Variants in COL27A1 observed in about 807,000 individuals in gnomAD.
COL27A1 encodes the protein collagen alpha-1(XXVII) chain.
In COL27A1, 106 loss-of-function variants were observed where a neutral mutation model predicts 251.3. That is an observed-to-expected ratio of 0.42 (90% CI 0.36 to 0.50). COL27A1 has a LOEUF of 0.50. Ranked by LOEUF, COL27A1 falls within the 20% of genes least tolerant of loss-of-function variation. COL27A1 has a pLI of 0.00. For missense variants in COL27A1, 2,325 were observed against 2,522.8 expected (o/e 0.92, Z 1.68); for synonymous variants, 1,000 against 986.3 (o/e 1.01, Z -0.26).
At chr9:114,206,581 C>T (rs1448580546) in intron 10 of COL27A1, among the ~76,000 whole-genome samples, 1 of 152,232 alleles carries the variant, frequency 6.6e-6, no homozygotes, top group Non-Finnish European at 1.5e-5. Context: ...GCTGTGTCTC[C>T]TGGCTCATCC....
At chr9:114,226,441 C>T (rs1831473419) in intron 14 of COL27A1, among the ~76,000 whole-genome samples, 1 of 152,238 alleles carries the variant, frequency 6.6e-6, no homozygotes, top group African/African-American at 2.4e-5. Context: ...GGGTGAAGCA[C>T]CTGCCCAAGG....
In COL27A1 at chr9:114,311,546, A is replaced by AG. The variant is rs1262059640; in HGVS notation, c.*853dup. 5 of 133,300 alleles carry AG rather than the reference A, an allele frequency of 3.8e-5. No homozygotes were observed. The highest frequency in any genetic ancestry group is 1.2e-4 in the African/African-American group (4 of 32,246). 8.3% of individuals were successfully genotyped at this position (133,300 alleles called of 1,614,324 possible). ...TAAGGAGGAAAAAAGAAAAGAAAAAAGGAAAAAAAAAAAAAAAAAGCAAAA... is the reference window on the plus strand; with the variant it reads ...TAAGGAGGAAAAAAGAAAAGAAAAAAGGGAAAAAAAAAAAAAAAAAGCAAAA... On this transcript the variant is annotated 3_prime_UTR_variant, in exon 61 of 61. Coordinates refer to ENST00000356083, the MANE Select transcript of COL27A1 (RefSeq NM_032888.4).
chr9:114,172,030 C>T (rs964188859), intron 3 of COL27A1, among the ~76,000 whole-genome samples: 1 of 152,188 alleles, frequency 6.6e-6, no homozygotes, highest in Non-Finnish European at 1.5e-5. Context: ...TCAGCCCTGA[C>T]TACTGAGGAC....
chr9:114,300,212 C>A, intron 50 of COL27A1, 89 bp downstream of exon 50: 1 of 1,348,082 alleles, frequency 7.4e-7, no homozygotes, highest in Non-Finnish European at 1.1e-6. Flanking sequence ...ATTTATGGAG[C>A]ACTGAAAACA....
intron 37 of COL27A1, among the ~76,000 whole-genome samples, chr9:114,278,895 G>T (rs1305782839): frequency 6.6e-6 from 1 of 152,054 alleles, no homozygotes; most frequent in South Asian, 2.1e-4. Context: ...AGCCATCGGG[G>T]CCTTTCCAGA....
At chr9:114,161,329 A>G (rs1848483239) in intron 1 of COL27A1, among the ~76,000 whole-genome samples, 1 of 152,140 alleles carries the variant, frequency 6.6e-6, no homozygotes, top group African/African-American at 2.4e-5. Context: ...TGCATGCCTA[A>G]ACCAGTCACT....
chr9:114,155,888 C>G lies in COL27A1; in HGVS notation c.-63C>G. On this transcript the variant is annotated 5_prime_UTR_variant, in exon 1 of 61. Transcript: ENST00000356083. The surrounding 1 kb of genome is among the most constrained non-coding windows in gnomAD (Gnocchi z 5.5). ...CTGGCGCGGCGGGGCGGGGGGCTGG[C>G]GGCCCCATGGGGCGCGCCCACACTT... The G allele has an allele frequency of 8.8e-7, 1 of 1,135,554 alleles. No homozygotes were observed. The highest frequency in any genetic ancestry group is 1.1e-6 in the Non-Finnish European group (1 of 921,100). 70.3% of individuals were successfully genotyped at this position (1,135,554 alleles called of 1,614,324 possible). A position where few individuals can be genotyped will look rare whatever the true frequency, so the allele number is the denominator to read the frequency against.
At chr9:114,305,962 G>A (rs187788188) in intron 57 of COL27A1, among the ~76,000 whole-genome samples, 3 of 152,316 alleles carry the variant, frequency 2.0e-5, no homozygotes, top group East Asian at 1.9e-4. Flanking sequence ...TCTGGCCAGG[G>A]TAACCCTGAA....
chr9:114,237,756 G>A (rs368564518), intron 19 of COL27A1, 41 bp downstream of exon 19: 4 of 1,569,684 alleles, frequency 2.5e-6, no homozygotes, highest in Non-Finnish European at 2.6e-6. Flanking sequence ...CTGCTGCTGG[G>A]ACTCGGTCTT....
At chr9:114,262,914 A>G (rs994403777) in intron 28 of COL27A1, among the ~76,000 whole-genome samples, 1 of 142,990 alleles carries the variant, frequency 7.0e-6, no homozygotes, top group Non-Finnish European at 1.5e-5. Context: ...TGGCCCAATT[A>G]TTCATTGAAA....
At chr9:114,228,899 G>C (rs961346573) in intron 14 of COL27A1, among the ~76,000 whole-genome samples, 1 of 151,958 alleles carries the variant, frequency 6.6e-6, no homozygotes, top group African/African-American at 2.4e-5. Flanking sequence ...ACAGCTCACT[G>C]TAACCTTGAA....
chr9:114,155,879 G>C lies in COL27A1; in HGVS notation c.-72G>C, dbSNP rs1009676705. Reference sequence around the variant, plus strand: ...TAAGCCGGCCTGGCGCGGCGGGGCGGGGGGCTGGCGGCCCCATGGGGCGCG... The same window carrying C: ...TAAGCCGGCCTGGCGCGGCGGGGCGCGGGGCTGGCGGCCCCATGGGGCGCG... On this transcript the variant is annotated 5_prime_UTR_variant, in exon 1 of 61. Coordinates refer to ENST00000356083, the MANE Select transcript of COL27A1 (RefSeq NM_032888.4). The surrounding 1 kb of genome is among the most constrained non-coding windows in gnomAD (Gnocchi z 5.5). The C allele has an allele frequency of 7.2e-6, 8 of 1,106,250 alleles. No individual in the cohort carries two copies. The highest frequency in any genetic ancestry group is 1.7e-5 in the African/African-American group (1 of 59,992). 68.5% of individuals were successfully genotyped at this position (1,106,250 alleles called of 1,614,324 possible).
rs539925627 is a variant in COL27A1, at chr9:114,173,306, C to T, written c.1908+3843C>T. Among the ~76,000 whole-genome samples, 6 of 152,394 alleles carry T rather than the reference C, an allele frequency of 3.9e-5. No individual in the cohort carries two copies. The East Asian group carries it at 7.7e-4, about 20-fold the overall frequency. ...TGCAAATGTCCCCTCGGGAAGACGCCGCTAAGGGCCTGGCCCACACCACGT... is the reference window on the plus strand; with the variant it reads ...TGCAAATGTCCCCTCGGGAAGACGCTGCTAAGGGCCTGGCCCACACCACGT... On this transcript the variant is annotated intron_variant, in intron 3 of 60. Transcript: ENST00000356083.
chr9:114,179,052 G>A lies in COL27A1; in HGVS notation c.1962+708G>A, dbSNP rs145707571. The stretch of plus-strand genomic sequence containing the variant: ...TGGAACCCTTGGAGATCCCCTTAGA[G>A]GGAAACCTACCTGCTTCCCTTAGAG... On this transcript the variant is annotated intron_variant, in intron 4 of 60. Transcript: ENST00000356083. Among the ~76,000 whole-genome samples, 24 of 152,292 alleles carry A rather than the reference G, an allele frequency of 1.6e-4. No individual in the cohort carries two copies. In the East Asian group the frequency reaches 4.7e-3, roughly 30 times the overall value.
chr9:114,246,760 C>G (rs1003323532), intron 24 of COL27A1, among the ~76,000 whole-genome samples: 8 of 152,084 alleles, frequency 5.3e-5, no homozygotes, highest in African/African-American at 1.9e-4. Context: ...GGAATTAAAA[C>G]AGGGGGAGGC....
intron 27 of COL27A1, among the ~76,000 whole-genome samples, chr9:114,255,830 C>T (rs924363504): frequency 2.0e-5 from 3 of 152,194 alleles, no homozygotes; most frequent in Non-Finnish European, 4.4e-5. Context: ...CCTTCAGAAT[C>T]AGATACATGG....
Position 114,162,092 on chromosome 9 carries a change from G to A in COL27A1, c.63-623G>A, listed in dbSNP as rs542711999. On this transcript the variant is annotated intron_variant, in intron 1 of 60. Coordinates refer to ENST00000356083, the MANE Select transcript of COL27A1 (RefSeq NM_032888.4). ...ACGTGGCTCTGTCTAACTCCCCCTC[G>A]TCCCCTCTGTTTTCTTTCTCCCACT... Among the ~76,000 whole-genome samples the A allele has an allele frequency of 9.4e-4, 143 of 152,294 alleles. 1 individual carries two copies. The highest frequency in any genetic ancestry group is 3.2e-3 in the African/African-American group (134 of 41,574).
At chr9:114,156,548 T>TG (rs1848133775) in intron 1 of COL27A1, among the ~76,000 whole-genome samples, 4 of 151,970 alleles carry the variant, frequency 2.6e-5, no homozygotes, top group Non-Finnish European at 4.4e-5. Context: ...TCTCCGCGTG[T>TG]TTGTGTTAGT....
intron 28 of COL27A1, 139 bp from the exon 29 acceptor site, chr9:114,264,216 T>G (rs1024323900): frequency 7.0e-6 from 4 of 573,692 alleles, no homozygotes; most frequent in African/African-American, 5.8e-5. Flanking sequence ...CAGTGGGGAG[T>G]GTGTGGGAAG....
Sources: gnomAD v4.1 joint callset for allele counts (sites outside exome capture counted in the v4.1 genomes callset) on GRCh38, gnomAD v4.1.1 for gene constraint, Gnocchi (gnomAD v3.1) non-coding constraint, MANE v1.5 for transcripts, NCBI Gene and HGNC (gene_info 2026-07-23, HGNC 2026-07-21) for gene names.